PKHD1: variants seen among roughly 807,000 people sequenced by gnomAD.
PKHD1 encodes the protein fibrocystin.
A neutral mutation model predicts 412.0 loss-of-function variants in PKHD1; 291 were observed. The observed-to-expected ratio is 0.71, with a 90% CI of 0.64 to 0.78. The LOEUF (loss-of-function observed/expected upper bound fraction) is 0.78, where lower values mean the gene tolerates loss of function less well. Ranked by LOEUF, PKHD1 falls within the 30% of genes least tolerant of loss-of-function variation. PKHD1 has a pLI of 0.00. For synonymous variants in PKHD1, 1,777 were observed against 1,821.5 expected (o/e 0.98, Z 0.62); for missense variants, 4,825 against 4,950.7 (o/e 0.97, Z 0.76).
rs369892238 is a variant in PKHD1, at chr6:51,648,021, C to A, written c.11398+10G>T. On this transcript the variant is annotated intron_variant, in intron 63 of 66. Transcript: ENST00000371117. ...AACAGATATCTGAAATTTACAGATA[C>A]TTTACCTACCTTTTAGCACTGAGTC... 6 of 1,496,486 alleles carry A rather than the reference C, an allele frequency of 4.0e-6. No individual in the cohort carries two copies. In the African/African-American group the frequency reaches 6.9e-5, roughly 17 times the overall value. 92.7% of individuals were successfully genotyped at this position (1,496,486 alleles called of 1,614,324 possible).
chr6:51,841,868 T>C (rs1770267206), intron 50 of PKHD1, among the ~76,000 whole-genome samples: 2 of 152,210 alleles, frequency 1.3e-5, no homozygotes, highest in South Asian at 2.1e-4. Flanking sequence ...CCAGGGCCCT[T>C]GTTGCATTGA....
At chr6:51,872,392 G>C (rs1413908277) in intron 46 of PKHD1, among the ~76,000 whole-genome samples, 1 of 132,818 alleles carries the variant, frequency 7.5e-6, no homozygotes, top group Non-Finnish European at 1.6e-5. Context: ...CAAAAATCCT[G>C]GAATCTGAGT....
At chr6:52,023,114 C>T (rs1333344550) in intron 32 of PKHD1, among the ~76,000 whole-genome samples, 170 bp from the exon 33 acceptor site, 1 of 152,186 alleles carries the variant, frequency 6.6e-6, no homozygotes, top group Non-Finnish European at 1.5e-5. Context: ...TCCACTTAGG[C>T]TCTGGCCTTG....
intron 60 of PKHD1, among the ~76,000 whole-genome samples, chr6:51,718,428 T>G (rs145728976): frequency 8.0e-4 from 122 of 152,338 alleles, no homozygotes; most frequent in African/African-American, 2.8e-3. Flanking sequence ...TGTCTTACGT[T>G]TCAACTAAAT....
intron 60 of PKHD1, among the ~76,000 whole-genome samples, chr6:51,660,555 A>C (rs1478587330): frequency 6.6e-6 from 1 of 152,146 alleles, no homozygotes; most frequent in Non-Finnish European, 1.5e-5. Flanking sequence ...CTTCTGAACA[A>C]CTGGCTATAT....
intron 60 of PKHD1, among the ~76,000 whole-genome samples, chr6:51,662,617 C>G (rs369524981): frequency 6.6e-6 from 1 of 151,466 alleles, no homozygotes; most frequent in African/African-American, 2.4e-5. Flanking sequence ...AAAGAAACAA[C>G]AACAAAACAA....
At chr6:51,705,318 G>T (rs1277332260) in intron 60 of PKHD1, among the ~76,000 whole-genome samples, 1 of 152,054 alleles carries the variant, frequency 6.6e-6, no homozygotes. Flanking sequence ...AGTCAATTTA[G>T]CAATGACTAA....
intron 52 of PKHD1, among the ~76,000 whole-genome samples, chr6:51,793,946 CACACTG>C (rs1454274804): frequency 6.6e-6 from 1 of 152,148 alleles, no homozygotes; most frequent in African/African-American, 2.4e-5. Flanking sequence ...GAGGAATCGC[CACACTG>C]TCTTCCACAA....
At chr6:51,769,640 T>C (rs16881842) in intron 55 of PKHD1, among the ~76,000 whole-genome samples, 27,894 of 151,348 alleles carry the variant, frequency 0.18, 3,378 homozygotes, top group African/African-American at 0.34. Context: ...TTGCATTGAT[T>C]GAGTTCATTA....
At chr6:51,969,578 C>T (rs950235414) in intron 35 of PKHD1, among the ~76,000 whole-genome samples, 3 of 152,142 alleles carry the variant, frequency 2.0e-5, no homozygotes, top group African/African-American at 7.2e-5. Flanking sequence ...TTCTAAGCCT[C>T]CAGTGTCTAT....
intron 37 of PKHD1, among the ~76,000 whole-genome samples, chr6:51,922,993 G>C (rs1740200390): frequency 6.6e-6 from 1 of 152,152 alleles, no homozygotes; most frequent in South Asian, 2.1e-4. Context: ...ACCTCAGTTG[G>C]AAATGCAGAA....
chr6:51,901,665 T>C (rs1453736431), intron 43 of PKHD1, among the ~76,000 whole-genome samples: 1 of 133,348 alleles, frequency 7.5e-6, no homozygotes, highest in Non-Finnish European at 1.6e-5. Context: ...AAACTTAAAG[T>C]ATAATAATAA....
At chr6:52,006,353 TTTG>T (rs34912833) in intron 35 of PKHD1, among the ~76,000 whole-genome samples, 322 of 139,400 alleles carry the variant, frequency 2.3e-3, no homozygotes, top group South Asian at 7.2e-3. Flanking sequence ...TGGTTTGTTT[TTTG>T]TTGTTGTTGT....
Position 52,082,399 on chromosome 6 carries a change from G to C in PKHD1, c.274C>G (p.Arg92Gly). 2 of 1,613,956 alleles carry C rather than the reference G, an allele frequency of 1.2e-6. No homozygotes were observed. The highest frequency in any genetic ancestry group is 1.7e-6 in the Non-Finnish European group (2 of 1,179,906). The stretch of plus-strand genomic sequence containing the variant: ...ATTCCCAGACAGGTATACCTGGTCC[G>C]GCATGTCACCACAGGCAAATCCAAG... ...VFLDLPVVTC[R>G]TRSVLSEAHE... The change falls in exon 4 of 67, where the codon CGG becomes GGG. Residue 92 changes from arginine (R) to glycine (G), a missense_variant. Coordinates refer to ENST00000371117, the MANE Select transcript of PKHD1 (RefSeq NM_138694.4).
chr6:51,803,963 C>T (rs1277884976), intron 52 of PKHD1, among the ~76,000 whole-genome samples: 1 of 151,420 alleles, frequency 6.6e-6, no homozygotes, highest in African/African-American at 2.5e-5. Context: ...CTGCCTCAGC[C>T]TCCCAAAGTG....
Position 51,620,787 on chromosome 6 carries a change from CAT to C in PKHD1, c.11786-1269_11786-1268del, listed in dbSNP as rs534708807. 1.2e-3 allele frequency among the ~76,000 whole-genome samples: 180 copies of C among 146,830 alleles called. 1 individual carries two copies. The Middle Eastern group carries it at 0.021, about 17-fold the overall frequency. On this transcript the variant is annotated intron_variant, in intron 66 of 66. Coordinates refer to ENST00000371117, the MANE Select transcript of PKHD1 (RefSeq NM_138694.4). Reference sequence around the variant, plus strand: ...AGAGAAAGTAATAACATTATATATACATATATATATATGTATATATATATATA... The same window carrying C: ...AGAGAAAGTAATAACATTATATATACATATATATATGTATATATATATATA...
intron 37 of PKHD1, among the ~76,000 whole-genome samples, chr6:51,919,004 G>C (rs1461816994): frequency 6.6e-6 from 1 of 152,148 alleles, no homozygotes; most frequent in East Asian, 1.9e-4. Context: ...ATTTGTCTAA[G>C]TTCCTTGTAG....
chr6:51,819,582 T>G lies in PKHD1; in HGVS notation c.8302+11279A>C, dbSNP rs957973420. Reference sequence around the variant, plus strand: ...TTAGTCGTATTCATTTTTAACTACATGCAATTACATTTCTATCTCCCCAGC... The same window carrying G: ...TTAGTCGTATTCATTTTTAACTACAGGCAATTACATTTCTATCTCCCCAGC... On this transcript the variant is annotated intron_variant, in intron 52 of 66. Transcript: ENST00000371117. Among the ~76,000 whole-genome samples the G allele has an allele frequency of 2.0e-5, 3 of 152,312 alleles. No homozygotes were observed. The South Asian group carries it at 6.2e-4, about 32-fold the overall frequency.
chr6:51,618,998 G>T lies in PKHD1; in HGVS notation c.*83C>A. 8.0e-7 allele frequency: 1 copy of T among 1,251,070 alleles called. No homozygotes were observed. The highest frequency in any genetic ancestry group is 1.2e-6 in the Non-Finnish European group (1 of 851,650). The allele number at this position is 1,251,070 out of a possible 1,614,324, so 77.5% of individuals were successfully genotyped here. A position where few individuals can be genotyped will look rare whatever the true frequency, so the allele number is the denominator to read the frequency against. On this transcript the variant is annotated 3_prime_UTR_variant, in exon 67 of 67. Transcript: ENST00000371117. ...TCTCTCTTCTTAGTTGTCCCAGCAGGACAGTCCTCACTTCCCCAGCTTATT... is the reference window on the plus strand; with the variant it reads ...TCTCTCTTCTTAGTTGTCCCAGCAGTACAGTCCTCACTTCCCCAGCTTATT...
Sources: gnomAD v4.1 joint callset for allele counts (sites outside exome capture counted in the v4.1 genomes callset) on GRCh38, gnomAD v4.1.1 for gene constraint, MANE v1.5 for transcripts, NCBI Gene and HGNC (gene_info 2026-07-23, HGNC 2026-07-21) for gene names.